Variants in SKIL observed in about 807,000 individuals in gnomAD.
SKIL encodes the protein SKI like proto-oncogene.
In SKIL, 20 loss-of-function variants were observed where a neutral mutation model predicts 69.6. That is an observed-to-expected ratio of 0.29 (90% confidence interval 0.20 to 0.42). The LOEUF (loss-of-function observed/expected upper bound fraction) is 0.42, where lower values mean the gene tolerates loss of function less well. Ranked by LOEUF, SKIL falls within the 10% of genes least tolerant of loss-of-function variation. SKIL has a pLI of 1.00. For synonymous variants in SKIL, 310 were observed against 279.9 expected (o/e 1.11, Z -1.08); for missense variants, 745 against 783.1 (o/e 0.95, Z 0.58).
rs1738043640 is a variant in SKIL, at chr3:170,393,735, A to G, written c.*1318A>G. Reference sequence around the variant, plus strand: ...TTGACATTATTACCCCATGGATTTTATGGGATAATAAATGTTTTTCATGTT... The same window carrying G: ...TTGACATTATTACCCCATGGATTTTGTGGGATAATAAATGTTTTTCATGTT... On this transcript the variant is annotated 3_prime_UTR_variant, in exon 7 of 7. Coordinates refer to ENST00000259119, the MANE Select transcript of SKIL (RefSeq NM_005414.5). 6.6e-6 allele frequency: 1 copy of G among 152,182 alleles called. No individual in the cohort carries two copies. The highest frequency in any genetic ancestry group is 2.4e-5 in the African/African-American group (1 of 41,454). The allele number at this position is 152,182 out of a possible 1,614,324, so 9.4% of individuals were successfully genotyped here.
rs375933856 is a variant in SKIL at position 170,391,252 on chromosome 3, G to A, written c.1888G>A (p.Ala630Thr). 15 of 1,581,114 alleles carry A rather than the reference G, an allele frequency of 9.5e-6. No individual in the cohort carries two copies. Among genetic ancestry groups the A allele is most frequent in the Non-Finnish European group, 1.2e-5 (14 of 1,152,462 alleles). The change falls in exon 6 of 7, where the codon GCA (alanine) becomes ACA (threonine). Residue 630 changes from alanine to threonine, a missense_variant. Ala to Thr is a moderately conservative substitution (Grantham distance 58). Coordinates refer to ENST00000259119, the MANE Select transcript of SKIL (RefSeq NM_005414.5). ...AGAAAAAGACAAAGAGGCTGAATAT[G>A]CAGGACAGGTAAGAATTACTGTTTG... ...NLEKDKEAEY[A>T]GQLAELRQRL...
At chr3:170,388,866 A>C (rs1292988953) in intron 4 of SKIL, among the ~76,000 whole-genome samples, 1 of 132,636 alleles carries the variant, frequency 7.5e-6, no homozygotes, top group African/African-American at 2.8e-5. Flanking sequence ...TTATGTATTT[A>C]TTTATTTATT....
intron 1 of SKIL, among the ~76,000 whole-genome samples, chr3:170,359,352 T>G (rs553807619): frequency 6.6e-6 from 1 of 152,174 alleles, no homozygotes; most frequent in Admixed American, 6.5e-5. Flanking sequence ...TTCCAGCACT[T>G]TGGGAGGCCC....
intron 4 of SKIL, 68 bp from the exon 5 acceptor site, chr3:170,390,155 G>T (rs1262325338): frequency 6.5e-6 from 7 of 1,075,734 alleles, no homozygotes; most frequent in Non-Finnish European, 9.7e-6. Flanking sequence ...TACATTTATG[G>T]ATTGTTCTAG....
Position 170,381,316 on chromosome 3 carries a change from C to G in SKIL, c.1171C>G (p.Gln391Glu). 2 of 1,581,048 alleles carry G rather than the reference C, an allele frequency of 1.3e-6. No individual in the cohort carries two copies. The highest frequency in any genetic ancestry group is 1.7e-6 in the Non-Finnish European group (2 of 1,149,892). Residue 391 changes from glutamine (Q) to glutamate (E), a missense_variant, in exon 3 of 7, where the codon CAG (glutamine) becomes GAG (glutamate). Coordinates refer to ENST00000259119, the MANE Select transcript of SKIL (RefSeq NM_005414.5). Reference sequence around the variant, plus strand: ...AAAGCAGGAAGGTGACCATGTTTCTCAGACACATTCATTTTTACACCCCAG... The same window carrying G: ...AAAGCAGGAAGGTGACCATGTTTCTGAGACACATTCATTTTTACACCCCAG... ...VIKQEGDHVS[Q>E]THSFLHPSYY...
intron 2 of SKIL, among the ~76,000 whole-genome samples, chr3:170,370,454 C>A: frequency 2.2e-5 from 1 of 44,948 alleles, no homozygotes; most frequent in African/African-American, 9.3e-5. Context: ...CCCCCCCCCC[C>A]CGAGCAGGAG....
intron 6 of SKIL, among the ~76,000 whole-genome samples, chr3:170,391,880 A>C (rs1264900220): frequency 6.6e-6 from 1 of 152,248 alleles, no homozygotes; most frequent in Non-Finnish European, 1.5e-5. Flanking sequence ...ACAAATTAAC[A>C]AACAGGAACT....
chr3:170,388,383 A>G (rs1045740658), intron 4 of SKIL, among the ~76,000 whole-genome samples: 3 of 151,876 alleles, frequency 2.0e-5, no homozygotes, highest in African/African-American at 4.8e-5. Context: ...AGTTCTTTAT[A>G]TATTCTGGAT....
rs1738071186 is a variant in SKIL, at chr3:170,394,121, T to A, written c.*1704T>A. 2.5e-5 allele frequency: 1 copy of A among 40,240 alleles called. No homozygotes were observed. The highest frequency in any genetic ancestry group is 6.3e-5 in the Non-Finnish European group (1 of 15,934). 2.5% of individuals were successfully genotyped at this position (40,240 alleles called of 1,614,324 possible). A position where few individuals can be genotyped will look rare whatever the true frequency, so the allele number is the denominator to read the frequency against. ...AAATGACATGTAGAAACAAATTTTT[T>A]TTTTTTTTTTTTTTTTTTTTTTTTT... On this transcript the variant is annotated 3_prime_UTR_variant, in exon 7 of 7. Coordinates refer to ENST00000259119, the MANE Select transcript of SKIL (RefSeq NM_005414.5).
rs557461500 is a variant in SKIL at position 170,370,522 on chromosome 3, G to T, written c.1098+9093G>T. On this transcript the variant is annotated intron_variant, in intron 2 of 6. Transcript: ENST00000259119. ...TTACAGTCTTCGAATCTAGAATGTGGTAGATGCCTAATAAAGGTTTGGATA... is the reference window on the plus strand; with the variant it reads ...TTACAGTCTTCGAATCTAGAATGTGTTAGATGCCTAATAAAGGTTTGGATA... Among the ~76,000 whole-genome samples, 144 of 133,734 alleles carry T rather than the reference G, an allele frequency of 1.1e-3. 1 individual carries two copies. The highest frequency in any genetic ancestry group is 3.6e-3 in the African/African-American group (129 of 35,894). The allele number at this position is 133,734 out of a possible 152,430, so 87.7% of individuals were successfully genotyped here.
At chr3:170,378,642 C>T (rs1304878673) in intron 2 of SKIL, among the ~76,000 whole-genome samples, 2 of 146,802 alleles carry the variant, frequency 1.4e-5, no homozygotes, top group African/African-American at 2.5e-5. Context: ...ACCTCTGCCT[C>T]CCGGATTCAA....
intron 2 of SKIL, among the ~76,000 whole-genome samples, chr3:170,369,767 G>A (rs1736709209): frequency 6.6e-6 from 1 of 152,162 alleles, no homozygotes; most frequent in South Asian, 2.1e-4. Flanking sequence ...CTAGAATTCA[G>A]TTTGTTCCTA....
In SKIL at chr3:170,396,659, C is replaced by T. The variant is rs1344404048; in HGVS notation, c.*4242C>T. ...ATATGGTTTTACTAAAAATAAGACT[C>T]ATGTATCTGGTCACCTAGTTTACAA... On this transcript the variant is annotated 3_prime_UTR_variant, in exon 7 of 7. Coordinates refer to ENST00000259119, the MANE Select transcript of SKIL (RefSeq NM_005414.5). 1 of 152,172 alleles carries T rather than the reference C, an allele frequency of 6.6e-6. No individual in the cohort carries two copies. The highest frequency in any genetic ancestry group is 1.5e-5 in the Non-Finnish European group (1 of 68,020). The allele number at this position is 152,172 out of a possible 1,614,324, so 9.4% of individuals were successfully genotyped here. A position where few individuals can be genotyped will look rare whatever the true frequency, so the allele number is the denominator to read the frequency against.
intron 2 of SKIL, among the ~76,000 whole-genome samples, chr3:170,366,335 TAATTA>T (rs1238009269): frequency 6.6e-6 from 1 of 152,066 alleles, no homozygotes; most frequent in African/African-American, 2.4e-5. Context: ...TGAGACAACT[TAATTA>T]AATATAGCTA....
At position 170,375,384 on chromosome 3, in the gene SKIL, A is replaced by G. The variant is rs1323525252; in HGVS notation, c.1099-5860A>G. On this transcript the variant is annotated intron_variant, in intron 2 of 6. Coordinates refer to ENST00000259119, the MANE Select transcript of SKIL (RefSeq NM_005414.5). ...AGATGCTAGGTTTGGCTCATGAGTA[A>G]AGATAAAACTTACTCTTATAAATCA... Among the ~76,000 whole-genome samples the G allele has an allele frequency of 2.6e-5, 4 of 152,232 alleles. No individual in the cohort carries two copies. In the East Asian group the frequency reaches 5.8e-4, roughly 22 times the overall value.
At chr3:170,370,155 C>T (rs541632384) in intron 2 of SKIL, among the ~76,000 whole-genome samples, 12 of 152,146 alleles carry the variant, frequency 7.9e-5, no homozygotes, top group African/African-American at 2.6e-4. Context: ...AGGAGAATGG[C>T]GTAAACCCGG....
At chr3:170,377,398 CT>C (rs34584855) in intron 2 of SKIL, among the ~76,000 whole-genome samples, 2,983 of 136,660 alleles carry the variant, frequency 0.022, 90 homozygotes, top group African/African-American at 0.076. Flanking sequence ...GTGCCCAGGC[CT>C]TTTTTTTTTT....
chr3:170,370,986 A>G (rs1452830602), intron 2 of SKIL, among the ~76,000 whole-genome samples: 1 of 152,150 alleles, frequency 6.6e-6, no homozygotes, highest in East Asian at 1.9e-4. Flanking sequence ...AATAAAAATG[A>G]TTTAAGACTT....
In SKIL at chr3:170,391,163, A is replaced by G; in HGVS notation, c.1799A>G (p.Gln600Arg). Residue 600 changes from glutamine to arginine, a missense_variant, in exon 6 of 7, where the codon CAG becomes CGG. Gln to Arg is a conservative substitution (Grantham distance 43). Transcript: ENST00000259119. The stretch of plus-strand genomic sequence containing the variant: ...AGAATGGAAGAATTTTATGTTGAAC[A>G]GAAAGACTTAGAGAAAAAATTGGAG... ...AQRMEEFYVE[Q>R]KDLEKKLEQI... is the part of the protein sequence containing the mutation. 1 of 1,611,656 alleles carries G rather than the reference A, an allele frequency of 6.2e-7. No homozygotes were observed. The highest frequency in any genetic ancestry group is 8.5e-7 in the Non-Finnish European group (1 of 1,177,848).
Sources: gnomAD v4.1 joint callset for allele counts (sites outside exome capture counted in the v4.1 genomes callset) on GRCh38, gnomAD v4.1.1 for gene constraint, MANE v1.5 for transcripts, NCBI Gene and HGNC (gene_info 2026-07-23, HGNC 2026-07-21) for gene names.